The following ATAD2B variants were observed in gnomAD, a reference collection of about 807,000 sequenced individuals.
The protein encoded by ATAD2B is ATPase family AAA domain containing 2B, also known as ATPase family AAA domain-containing protein 2B.
Under a neutral mutation model 167.6 loss-of-function variants are expected in ATAD2B, and 40 were observed. The ratio of observed to expected loss-of-function variants is 0.24; its 90% CI spans 0.19 to 0.31. The LOEUF (loss-of-function observed/expected upper bound fraction) is 0.31. Ranked by LOEUF, ATAD2B falls within the 10% of genes least tolerant of loss-of-function variation. ATAD2B has a pLI of 1.00. For synonymous variants in ATAD2B, 579 were observed against 596.5 expected (o/e 0.97, Z 0.43); for missense variants, 1,242 against 1,757.2 (o/e 0.71, Z 5.24).
the ATAD2B span, among the ~76,000 whole-genome samples, chr2:23,678,063 T>C: frequency 6.6e-6 from 1 of 152,196 alleles, no homozygotes; most frequent in East Asian, 1.9e-4. Context: ...TTTATTACCA[T>C]CTCATACAGC....
At chr2:23,704,343 C>T in the ATAD2B span, among the ~76,000 whole-genome samples, 45 of 152,200 alleles carry the variant, frequency 3.0e-4, no homozygotes, top group African/African-American at 1.0e-3. Flanking sequence ...CAAACCCACC[C>T]CTGCAGGCAG....
At chr2:23,808,117 A>ATAATTATATATATAAGTAATTATATATG (rs1468811993) in intron 18 of ATAD2B, among the ~76,000 whole-genome samples, 1 of 119,294 alleles carries the variant, frequency 8.4e-6, no homozygotes, top group Non-Finnish European at 1.7e-5. Flanking sequence ...AATTATATAT[A>ATAATTATATATATAAGTAATTATATATG]TAATTATTAT....
intron 15 of ATAD2B, 66 bp downstream of exon 15, chr2:23,828,783 T>C (rs757961738): frequency 4.1e-5 from 41 of 999,930 alleles, no homozygotes; most frequent in Non-Finnish European, 6.4e-5. Flanking sequence ...ACATTCCAAA[T>C]AAGGGGAAAG....
chr2:23,882,558 C>T (rs1698085892), intron 6 of ATAD2B, among the ~76,000 whole-genome samples: 3 of 150,534 alleles, frequency 2.0e-5, no homozygotes, highest in Admixed American at 2.0e-4. Context: ...CCTATAATCC[C>T]AGCACTTTGG....
intron 18 of ATAD2B, among the ~76,000 whole-genome samples, chr2:23,800,475 A>G (rs531417423): frequency 6.6e-6 from 1 of 152,356 alleles, no homozygotes; most frequent in East Asian, 1.9e-4. Context: ...AAGTGATAAC[A>G]ATTTGACAGA....
intron 23 of ATAD2B, among the ~76,000 whole-genome samples, chr2:23,762,644 CAAT>C (rs910515011): frequency 1.2e-3 from 180 of 152,222 alleles, no homozygotes; most frequent in African/African-American, 3.9e-3. Flanking sequence ...GACTGTGGAA[CAAT>C]AAGATTATAT....
chr2:23,711,998 G>A, the ATAD2B span, among the ~76,000 whole-genome samples: 2 of 152,166 alleles, frequency 1.3e-5, no homozygotes, highest in African/African-American at 2.4e-5. Flanking sequence ...TGGCTTGCCC[G>A]GTTATAGTTA....
At chr2:23,769,712 G>A (rs7569226) in intron 22 of ATAD2B, among the ~76,000 whole-genome samples, 52,875 of 128,684 alleles carry the variant, frequency 0.41, 11,561 homozygotes, top group East Asian at 0.74. Flanking sequence ...CTCACTGTGG[G>A]TTTTTTTTTT....
intron 22 of ATAD2B, among the ~76,000 whole-genome samples, chr2:23,769,251 C>T (rs896138380): frequency 6.6e-5 from 10 of 151,968 alleles, no homozygotes; most frequent in African/African-American, 2.4e-4. Flanking sequence ...CCAGCCTGAC[C>T]AACATGGTGA....
At chr2:23,884,737 C>G in intron 6 of ATAD2B, 28 bp downstream of exon 6, 2 of 1,380,114 alleles carry the variant, frequency 1.4e-6, no homozygotes, top group Non-Finnish European at 1.0e-6. Context: ...CCTGAACTTT[C>G]TAGAATTCCA....
intron 22 of ATAD2B, among the ~76,000 whole-genome samples, chr2:23,777,279 A>T (rs183361730): frequency 1.3e-5 from 2 of 152,340 alleles, no homozygotes; most frequent in Admixed American, 1.3e-4. Flanking sequence ...AACTAATACA[A>T]TTACATATAG....
the ATAD2B span, among the ~76,000 whole-genome samples, chr2:23,709,094 G>GC: frequency 6.6e-6 from 1 of 151,980 alleles, no homozygotes; most frequent in African/African-American, 2.4e-5. Flanking sequence ...AGACTGGAGT[G>GC]CAATGGCGCG....
intron 20 of ATAD2B, among the ~76,000 whole-genome samples, chr2:23,786,850 T>C (rs529096716): frequency 5.7e-4 from 87 of 152,254 alleles, no homozygotes; most frequent in African/African-American, 1.6e-3. Context: ...TATTACACAC[T>C]GATTTTCTTA....
chr2:23,807,256 A>T (rs55770503), intron 18 of ATAD2B, among the ~76,000 whole-genome samples: 18,123 of 151,778 alleles, frequency 0.12, 1,155 homozygotes, highest in Middle Eastern at 0.21. Context: ...TAATATAAAG[A>T]TTAATAGTAG....
intron 19 of ATAD2B, among the ~76,000 whole-genome samples, chr2:23,789,048 T>C (rs951814800): frequency 3.3e-5 from 5 of 151,750 alleles, no homozygotes; most frequent in Non-Finnish European, 7.4e-5. Context: ...CGTATTTCTT[T>C]GTACTCCCTA....
chr2:23,810,294 C>A, intron 18 of ATAD2B, 22 bp downstream of exon 18: 1 of 1,596,898 alleles, frequency 6.3e-7, no homozygotes, highest in South Asian at 1.1e-5. Flanking sequence ...GTTGGAAGTG[C>A]TCTGATGTGG....
intron 23 of ATAD2B, among the ~76,000 whole-genome samples, chr2:23,762,957 T>C (rs1355105479): frequency 6.6e-6 from 1 of 152,228 alleles, no homozygotes; most frequent in African/African-American, 2.4e-5. Flanking sequence ...TGTGTTCAGG[T>C]TCAATTACTA....
chr2:23,926,642 G>A lies in ATAD2B; in HGVS notation c.129C>T (p.Thr43=). 1 of 1,563,712 alleles carries A rather than the reference G, an allele frequency of 6.4e-7. No individual in the cohort carries two copies. The highest frequency in any genetic ancestry group is 8.7e-7 in the Non-Finnish European group (1 of 1,155,066). The change falls in exon 1 of 28, where the codon ACC becomes ACT. Residue 43 remains threonine (T), a synonymous_variant. Transcript: ENST00000238789. Reference sequence around the variant, plus strand: ...TGGCGGCGCGGGTCTTGGAGGAGCGGGTCCGAGAGGAGATGAAATGGCTGC... The same window carrying A: ...TGGCGGCGCGGGTCTTGGAGGAGCGAGTCCGAGAGGAGATGAAATGGCTGC... ...GGSSHFISSR[T]RSSKTRAASC...
chr2:23,726,513 T>C, the ATAD2B span, among the ~76,000 whole-genome samples: 3 of 152,146 alleles, frequency 2.0e-5, no homozygotes, highest in African/African-American at 7.2e-5. Context: ...CATCTTCATG[T>C]TGAGCAGGCT....
Sources: gnomAD v4.1 joint callset for allele counts (sites outside exome capture counted in the v4.1 genomes callset) on GRCh38, gnomAD v4.1.1 for gene constraint, MANE v1.5 for transcripts, NCBI Gene and HGNC (gene_info 2026-07-23, HGNC 2026-07-21) for gene names.